The following AKAP6 variants were observed in gnomAD, a reference collection of about 807,000 sequenced individuals.
AKAP6 encodes A-kinase anchoring protein 6.
AKAP6 carries 58 observed loss-of-function variants against 188.5 expected under a neutral mutation model. The observed-to-expected ratio is 0.31, with a 90% CI of 0.25 to 0.38. The LOEUF (loss-of-function observed/expected upper bound fraction) is 0.38. AKAP6 is among the 10% of genes least tolerant of loss of function. AKAP6 has a pLI of 1.00. For synonymous variants in AKAP6, 989 were observed against 998.6 expected, an observed-to-expected ratio of 0.99 and a Z score of 0.18; for missense variants, 2,710 against 2,740.0, an observed-to-expected ratio of 0.99 and a Z score of 0.24.
At chr14:32,747,310 C>T (rs947050388) in intron 11 of AKAP6, among the ~76,000 whole-genome samples, 1 of 152,172 alleles carries the variant, frequency 6.6e-6, no homozygotes, top group Non-Finnish European at 1.5e-5. Flanking sequence ...TGGATCATCC[C>T]TGCTGCTCTA....
In AKAP6 at chr14:32,764,933, CTT is replaced by C. The variant is rs571680392; in HGVS notation, c.3373-8727_3373-8726del. On this transcript the variant is annotated intron_variant, in intron 11 of 13. Transcript: ENST00000280979. ...GCTATTATTTTGCATTCAAGTGAATCTTTTTTTTTTTTTTTTTTTGAGACGGA... is the reference window on the plus strand; with the variant it reads ...GCTATTATTTTGCATTCAAGTGAATCTTTTTTTTTTTTTTTTTGAGACGGA... 1.3e-3 allele frequency among the ~76,000 whole-genome samples: 163 copies of C among 124,654 alleles called. 1 individual carries two copies. The highest frequency in any genetic ancestry group is 3.2e-3 in the African/African-American group (101 of 31,352). 81.8% of individuals were successfully genotyped at this position (124,654 alleles called of 152,430 possible).
chr14:32,509,060 G>C (rs1354015265), intron 2 of AKAP6, among the ~76,000 whole-genome samples: 1 of 148,832 alleles, frequency 6.7e-6, no homozygotes, highest in Non-Finnish European at 1.5e-5. Context: ...TTGACCTTGT[G>C]ATCCTGCCTT....
chr14:32,691,153 T>C (rs985517938), intron 8 of AKAP6, among the ~76,000 whole-genome samples: 26 of 152,156 alleles, frequency 1.7e-4, no homozygotes, highest in Non-Finnish European at 3.4e-4. Flanking sequence ...TATAAGATTA[T>C]AAGCTACTCA....
At position 32,568,359 on chromosome 14, in the gene AKAP6, C is replaced by T. The variant is rs1884299301; in HGVS notation, c.2347-8761C>T. On this transcript the variant is annotated intron_variant, in intron 4 of 13. Coordinates refer to ENST00000280979, the MANE Select transcript of AKAP6 (RefSeq NM_004274.5). This position sits in a 1 kb window ranked among gnomAD's most constrained non-coding sequence, Gnocchi z 6.2. ...TAACTTCTCTATGCCTTAGCCTCTT[C>T]ATCTGTACAATGGGGAAATTTGACT... 6.6e-6 allele frequency among the ~76,000 whole-genome samples: 1 copy of T among 152,114 alleles called. No individual in the cohort carries two copies. Among genetic ancestry groups the T allele is most frequent in the East Asian group, 1.9e-4 (1 of 5,202 alleles).
intron 10 of AKAP6, chr14:32,734,159 T>A (rs1180510637): frequency 6.6e-6 from 1 of 152,130 alleles, no homozygotes; most frequent in Admixed American, 6.6e-5. Context: ...AAGATTTTTT[T>A]AAATCCTGTA....
In AKAP6 at chr14:32,822,090, C is replaced by T; in HGVS notation, c.4277C>T (p.Ser1426Phe). Residue 1426 changes from serine to phenylalanine, a missense_variant, in exon 13 of 14, where the codon TCT becomes TTT. Transcript: ENST00000280979. ...GAAAGCATTAAGCTTCCAAATAGCT[C>T]TCAGTCGTCCATTTCACCAGTGGGT... is the stretch of plus-strand genomic sequence containing the variant. The part of the protein sequence containing the change: ...EGESIKLPNS[S>F]QSSISPVGCV... 1 of 1,613,906 alleles carries T rather than the reference C, an allele frequency of 6.2e-7. No homozygotes were observed. Among genetic ancestry groups the T allele is most frequent in the East Asian group, 2.2e-5 (1 of 44,874 alleles).
At chr14:32,765,739 T>G (rs1282350649) in intron 11 of AKAP6, among the ~76,000 whole-genome samples, 1 of 151,468 alleles carries the variant, frequency 6.6e-6, no homozygotes. Context: ...CAAGTTTGCA[T>G]TGGTAAATTA....
In AKAP6 at chr14:32,823,970, G is replaced by A. The variant is rs761382630; in HGVS notation, c.6157G>A (p.Asp2053Asn). 2 of 1,613,950 alleles carry A rather than the reference G, an allele frequency of 1.2e-6. No individual in the cohort carries two copies. Among genetic ancestry groups the A allele is most frequent in the Non-Finnish European group, 1.7e-6 (2 of 1,179,940 alleles). ...TGTTTTCCATCAAAAAGATGCCGAA[G>A]ATTGTTCAGTACACAACTTTGTTAA... The part of the protein sequence containing the change: ...PDVFHQKDAE[D>N]CSVHNFVKEI... Residue 2053 changes from aspartate to asparagine, a missense_variant, in exon 13 of 14, where the codon GAT becomes AAT. Physicochemically the swap from Asp to Asn is conservative, Grantham distance 23 (BLOSUM62 1). Around this residue, in one of 2 missense-constraint regions of AKAP6, gnomAD observed 2,473 missense variants for 2,426.1 expected, o/e 1.02. Transcript: ENST00000280979.
intron 1 of AKAP6, among the ~76,000 whole-genome samples, chr14:32,392,625 A>G (rs544054937): frequency 6.6e-6 from 1 of 152,278 alleles, no homozygotes; most frequent in Non-Finnish European, 1.5e-5. Flanking sequence ...GGCTGATTCC[A>G]GGACTGAGGC....
chr14:32,679,648 G>A (rs1044044776), intron 8 of AKAP6, among the ~76,000 whole-genome samples: 1 of 152,088 alleles, frequency 6.6e-6, no homozygotes, highest in African/African-American at 2.4e-5. Context: ...TAAGAATATA[G>A]GAAATAACTC....
chr14:32,510,424 ACATATATATATG>A (rs1881155335), intron 2 of AKAP6, among the ~76,000 whole-genome samples: 2 of 83,704 alleles, frequency 2.4e-5, no homozygotes, highest in African/African-American at 5.5e-5. Flanking sequence ...GTATATATAT[ACATATATATATG>A]TGTATATATA....
In AKAP6 at chr14:32,537,678, A is replaced by C. The variant is rs577860670; in HGVS notation, c.576+1873A>C. Among the ~76,000 whole-genome samples, 16 of 152,324 alleles carry C rather than the reference A, an allele frequency of 1.1e-4. No homozygotes were observed. In the East Asian group the frequency reaches 1.9e-3, roughly 18 times the overall value. On this transcript the variant is annotated intron_variant, in intron 3 of 13. Coordinates refer to ENST00000280979, the MANE Select transcript of AKAP6 (RefSeq NM_004274.5). ...AAGGAGATTAAAAATCATTGATTCA[A>C]ATCATATATTTATTAAATCAATAAA...
intron 9 of AKAP6, among the ~76,000 whole-genome samples, chr14:32,703,805 G>T (rs1176981479): frequency 4.6e-5 from 7 of 152,158 alleles, no homozygotes; most frequent in Admixed American, 3.9e-4. Context: ...CAGTAAAGAG[G>T]CTTCCACAGA....
chr14:32,722,022 C>G (rs2030564450), intron 9 of AKAP6, among the ~76,000 whole-genome samples: 1 of 152,138 alleles, frequency 6.6e-6, no homozygotes, highest in Non-Finnish European at 1.5e-5. Flanking sequence ...CAGCATTTGA[C>G]CCCCAGTCTG....
At chr14:32,701,332 A>C (rs140326247) in intron 9 of AKAP6, among the ~76,000 whole-genome samples, 1 of 152,190 alleles carries the variant, frequency 6.6e-6, no homozygotes, top group Non-Finnish European at 1.5e-5. Context: ...CATGATCCCA[A>C]TGTTATATTT....
chr14:32,679,754 A>G (rs1413162295), intron 8 of AKAP6, among the ~76,000 whole-genome samples: 1 of 152,214 alleles, frequency 6.6e-6, no homozygotes, highest in Non-Finnish European at 1.5e-5. Context: ...ACCTATTTCT[A>G]TAACTTGTTG....
At chr14:32,573,070 C>A (rs1034073611) in intron 4 of AKAP6, among the ~76,000 whole-genome samples, 5 of 152,130 alleles carry the variant, frequency 3.3e-5, no homozygotes, top group South Asian at 2.1e-4. Context: ...GACTAGGTCA[C>A]TCTCCATGTG....
chr14:32,560,661 T>C (rs1883917663), intron 4 of AKAP6, among the ~76,000 whole-genome samples: 1 of 152,278 alleles, frequency 6.6e-6, no homozygotes, highest in African/African-American at 2.4e-5. Flanking sequence ...CAAATATTAC[T>C]ATCGTGATGA....
intron 1 of AKAP6, among the ~76,000 whole-genome samples, chr14:32,350,832 A>C (rs1887240662): frequency 6.6e-6 from 1 of 152,170 alleles, no homozygotes; most frequent in African/African-American, 2.4e-5. Flanking sequence ...ATTTTTTAAA[A>C]ATCAGAGGAT....
Sources: gnomAD v4.1 joint callset for allele counts (sites outside exome capture counted in the v4.1 genomes callset) on GRCh38, gnomAD v4.1.1 for gene constraint, gnomAD v4.1.1 regional missense constraint, Gnocchi (gnomAD v3.1) non-coding constraint, MANE v1.5 for transcripts, NCBI Gene and HGNC (gene_info 2026-07-23, HGNC 2026-07-21) for gene names.